MYO10: variants seen among roughly 807,000 people sequenced by gnomAD.
MYO10 encodes myosin X, also known as unconventional myosin-X.
In MYO10, 133 loss-of-function variants were observed where a neutral mutation model predicts 257.3. The ratio of observed to expected loss-of-function variants is 0.52; its 90% CI spans 0.45 to 0.60. The LOEUF is 0.60. Ranked by LOEUF, MYO10 falls within the 20% of genes least tolerant of loss-of-function variation. The pLI is 0.00. For synonymous variants in MYO10, 1,104 were observed against 1,028.6 expected, an observed-to-expected ratio of 1.07 and a Z score of -1.40; for missense variants, 2,399 against 2,635.7, an observed-to-expected ratio of 0.91 and a Z score of 1.97.
At position 16,701,621 on chromosome 5, in the gene MYO10, TG is replaced by T. The variant is rs1738081865; in HGVS notation, c.2773del (p.Gln925ArgfsTer112). On this transcript the variant is annotated frameshift_variant, in exon 25 of 41. Coordinates refer to ENST00000513610, the MANE Select transcript of MYO10 (RefSeq NM_012334.3). LOFTEE classifies it high-confidence loss of function. The surrounding 1 kb of genome is among the most constrained non-coding windows in gnomAD (Gnocchi z 8.1). ...SLQKLQERRD[Q>X]ELRRLEEEAC... ...TTCCTCCTCCAGCCTGCGGAGCTCC[TG>T]GTCCCGCCGCTCCTGCAGCTTCTGC... 6.2e-7 allele frequency: 1 copy of T among 1,610,844 alleles called. No individual in the cohort carries two copies. The highest frequency in any genetic ancestry group is 1.1e-5 in the South Asian group (1 of 90,822).
At chr5:16,738,166 G>A (rs1739881818) in intron 19 of MYO10, 3 of 985,374 alleles carry the variant, frequency 3.0e-6, no homozygotes, top group African/African-American at 1.7e-5. Flanking sequence ...AGAAGCCAGT[G>A]TTTCTTTTGG....
intron 2 of MYO10, among the ~76,000 whole-genome samples, chr5:16,876,591 G>T (rs1744610832): frequency 6.6e-6 from 1 of 152,116 alleles, no homozygotes. Flanking sequence ...GTCTTGCTCT[G>T]TCACCCAGAC....
At chr5:16,875,343 T>G (rs1265021324) in intron 2 of MYO10, among the ~76,000 whole-genome samples, 3 of 151,792 alleles carry the variant, frequency 2.0e-5, no homozygotes, top group Non-Finnish European at 4.4e-5. Context: ...ACAGGCGGAG[T>G]GACAGAAAAA....
chr5:16,719,430 C>T (rs975379260), intron 19 of MYO10, among the ~76,000 whole-genome samples: 2 of 152,154 alleles, frequency 1.3e-5, no homozygotes, highest in African/African-American at 4.8e-5. Flanking sequence ...GCACTGTATC[C>T]CAAGGATGAT....
At chr5:16,692,698 A>G (rs1055088691) in intron 27 of MYO10, among the ~76,000 whole-genome samples, 2 of 152,188 alleles carry the variant, frequency 1.3e-5, no homozygotes, top group Non-Finnish European at 2.9e-5. Flanking sequence ...AAGCTCTGGA[A>G]TAAGTCCGTG....
intron 3 of MYO10, among the ~76,000 whole-genome samples, chr5:16,815,616 A>G (rs1191236879): frequency 6.6e-6 from 1 of 152,240 alleles, no homozygotes; most frequent in Non-Finnish European, 1.5e-5. Flanking sequence ...GGAAGACAAA[A>G]TAAGTCCTTG....
At chr5:16,710,124 A>G (rs1471620046) in intron 21 of MYO10, among the ~76,000 whole-genome samples, 1 of 152,200 alleles carries the variant, frequency 6.6e-6, no homozygotes, top group Non-Finnish European at 1.5e-5. Flanking sequence ...GCTGTGTGTA[A>G]GGGCAGAAGG....
intron 1 of MYO10, among the ~76,000 whole-genome samples, chr5:16,901,404 A>G (rs894484967): frequency 2.0e-5 from 3 of 152,234 alleles, no homozygotes; most frequent in African/African-American, 4.8e-5. Context: ...CCAGCAAAGA[A>G]GGCAGGAAGG....
chr5:16,687,505 T>TATA (rs1737305491), intron 28 of MYO10, among the ~76,000 whole-genome samples: 1 of 151,288 alleles, frequency 6.6e-6, no homozygotes, highest in African/African-American at 2.4e-5. Context: ...GCTGGGGGCT[T>TATA]ATAAGACACA....
chr5:16,868,977 G>C (rs999473358), intron 2 of MYO10, among the ~76,000 whole-genome samples: 2 of 152,096 alleles, frequency 1.3e-5, no homozygotes, highest in Non-Finnish European at 1.5e-5. Context: ...AATGAAATAA[G>C]AAAGCATGGG....
At chr5:16,712,205 A>G (rs1312497132) in intron 19 of MYO10, among the ~76,000 whole-genome samples, 5 of 152,204 alleles carry the variant, frequency 3.3e-5, no homozygotes, top group African/African-American at 1.2e-4. Flanking sequence ...CTCAAATTCT[A>G]GTCAAATACT....
Position 16,701,606 on chromosome 5 carries a change from A to G in MYO10, c.2789T>C (p.Leu930Pro), listed in dbSNP as rs1738080140. The change falls in exon 25 of 41, where the codon CTG (leucine) becomes CCG (proline). Residue 930 changes from leucine (L) to proline (P), a missense_variant. This residue lies in a region of MYO10 where 1,820 missense variants were observed against 1,939.4 expected (regional missense o/e 0.94). Coordinates refer to ENST00000513610, the MANE Select transcript of MYO10 (RefSeq NM_012334.3). The surrounding 1 kb of genome is among the most constrained non-coding windows in gnomAD (Gnocchi z 8.1). The part of the protein sequence containing the change: ...QERRDQELRR[L>P]EEEACRAAQE... ...GGCCGCCCTGCACGCTTCCTCCTCC[A>G]GCCTGCGGAGCTCCTGGTCCCGCCG... is the stretch of plus-strand genomic sequence containing the variant. 10 of 1,612,828 alleles carry G rather than the reference A, an allele frequency of 6.2e-6. No homozygotes were observed. The highest frequency in any genetic ancestry group is 7.6e-6 in the Non-Finnish European group (9 of 1,179,508).
chr5:16,781,512 G>A (rs578042230), intron 6 of MYO10, among the ~76,000 whole-genome samples, 193 bp downstream of exon 6: 2 of 152,084 alleles, frequency 1.3e-5, no homozygotes, highest in Admixed American at 1.3e-4. Flanking sequence ...GTAACTATAG[G>A]CACATGTACC....
Position 16,685,815 on chromosome 5 carries a change from G to A in MYO10, c.3913C>T (p.Leu1305=). 1 of 1,597,822 alleles carries A rather than the reference G, an allele frequency of 6.3e-7. No homozygotes were observed. Among genetic ancestry groups the A allele is most frequent in the Non-Finnish European group, 8.5e-7 (1 of 1,172,428 alleles). ...TCCGTGGACGCGTGGACCTGACTCA[G>A]CACGCTGAACCACTGGCTGTGGGGA... ...PEDASQWFSV[L]SQVHASTDQE... The change falls in exon 29 of 41, where the codon CTG becomes TTG. Residue 1305 remains leucine, a synonymous_variant. Transcript: ENST00000513610.
At chr5:16,866,830 C>T (rs1371546983) in intron 2 of MYO10, among the ~76,000 whole-genome samples, 1 of 152,140 alleles carries the variant, frequency 6.6e-6, no homozygotes, top group East Asian at 1.9e-4. Flanking sequence ...ATGTGGCCCC[C>T]AACTGCCTTT....
At chr5:16,683,669 A>T (rs1737109997) in intron 30 of MYO10, among the ~76,000 whole-genome samples, 1 of 152,124 alleles carries the variant, frequency 6.6e-6, no homozygotes, top group African/African-American at 2.4e-5. Context: ...TTTCCCCAGG[A>T]CTCCAAAGAT....
At position 16,681,865 on chromosome 5, in the gene MYO10, A is replaced by T. The variant is rs190734011; in HGVS notation, c.4189+6T>A. The T allele has an allele frequency of 5.6e-4, 901 of 1,613,642 alleles. 18 individuals are homozygous for T. The East Asian group carries it at 0.016, about 29-fold the overall frequency. On this transcript the variant is annotated splice_donor_region_variant and intron_variant, in intron 31 of 40. Transcript: ENST00000513610. ...AGCAGACCGAGGAAGCAGGGCAGGC[A>T]GTCACCTCTCACGATGAATTCCTGG...
intron 9 of MYO10, among the ~76,000 whole-genome samples, chr5:16,778,694 T>C (rs1463662154): frequency 2.1e-5 from 3 of 145,436 alleles, no homozygotes; most frequent in African/African-American, 5.1e-5. Flanking sequence ...TGAGGTTTTT[T>C]TTTTTTTTTT....
chr5:16,772,415 G>T (rs1279592587), intron 9 of MYO10, among the ~76,000 whole-genome samples: 1 of 152,234 alleles, frequency 6.6e-6, no homozygotes. Flanking sequence ...TTATAGGCGT[G>T]AGCCACGGCG....
Sources: allele counts gnomAD v4.1 joint callset (sites outside exome capture counted in the v4.1 genomes callset), GRCh38; gene constraint gnomAD v4.1.1; regional missense constraint gnomAD v4.1.1; non-coding constraint Gnocchi (gnomAD v3.1); transcripts MANE v1.5; gene names NCBI Gene and HGNC (gene_info 2026-07-23, HGNC 2026-07-21).